GRIP1: variants seen among roughly 807,000 people sequenced by gnomAD.
The protein encoded by GRIP1 is glutamate receptor interacting protein 1, also known as glutamate receptor-interacting protein 1.
In GRIP1, 45 loss-of-function variants were observed where a neutral mutation model predicts 129.9. That is an observed-to-expected ratio of 0.35 (90% confidence interval 0.27 to 0.44). The LOEUF is 0.44. Ranked by LOEUF, GRIP1 falls within the 20% of genes least tolerant of loss-of-function variation. The pLI is 1.00. For missense variants in GRIP1, 1,196 were observed against 1,396.8 expected, an observed-to-expected ratio of 0.86 and a Z score of 2.29; for synonymous variants, 530 against 520.8, an observed-to-expected ratio of 1.02 and a Z score of -0.24.
At chr12:66,676,953 C>T (rs960664374) in intron 1 of GRIP1, among the ~76,000 whole-genome samples, 1 of 152,150 alleles carries the variant, frequency 6.6e-6, no homozygotes, top group African/African-American at 2.4e-5. Flanking sequence ...GATGGCAAGG[C>T]AAGGTACCGT....
At chr12:66,495,302 G>T (rs575029671) in intron 7 of GRIP1, among the ~76,000 whole-genome samples, 2 of 152,322 alleles carry the variant, frequency 1.3e-5, no homozygotes, top group East Asian at 3.9e-4. Context: ...AGAAAGTTAT[G>T]AGAGAAAGAG....
At chr12:66,545,343 T>C (rs942279063) in intron 2 of GRIP1, among the ~76,000 whole-genome samples, 1 of 152,198 alleles carries the variant, frequency 6.6e-6, no homozygotes, top group Admixed American at 6.5e-5. Flanking sequence ...ACAGTGATGG[T>C]TGGCAAACAC....
At chr12:66,427,656 C>A (rs2058027125) in intron 14 of GRIP1, among the ~76,000 whole-genome samples, 1 of 152,100 alleles carries the variant, frequency 6.6e-6, no homozygotes, top group African/African-American at 2.4e-5. Context: ...AAAATGCTGA[C>A]CACCATTACA....
intron 2 of GRIP1, among the ~76,000 whole-genome samples, chr12:66,571,250 C>T (rs1469902044): frequency 2.0e-5 from 3 of 152,114 alleles, no homozygotes; most frequent in East Asian, 1.9e-4. Context: ...GAATATTTAC[C>T]GATTTGTATT....
chr12:66,382,438 A>G (rs2056153419), intron 19 of GRIP1, among the ~76,000 whole-genome samples: 1 of 152,222 alleles, frequency 6.6e-6, no homozygotes. Context: ...CCACTTCCTC[A>G]CTTCACAGCC....
At chr12:66,704,531 T>C (rs2035463231) in intron 1 of GRIP1, among the ~76,000 whole-genome samples, 1 of 152,066 alleles carries the variant, frequency 6.6e-6, no homozygotes, top group Non-Finnish European at 1.5e-5. Flanking sequence ...GAAAAACTCT[T>C]TAGTATCACA....
At chr12:66,715,471 T>TGTGTGTGTGTGAGAGAGAGAGA (rs761155485) in intron 1 of GRIP1, among the ~76,000 whole-genome samples, 5 of 110,136 alleles carry the variant, frequency 4.5e-5, no homozygotes, top group East Asian at 5.1e-4. Context: ...TGTGTGTGTG[T>TGTGTGTGTGTGAGAGAGAGAGA]GAGAGAGAGA....
At chr12:66,468,022 C>T (rs1360965300) in intron 7 of GRIP1, among the ~76,000 whole-genome samples, 1 of 152,172 alleles carries the variant, frequency 6.6e-6, no homozygotes, top group Non-Finnish European at 1.5e-5. Context: ...GCTAGGTGTT[C>T]CCTGATATCT....
chr12:66,710,721 A>G (rs2035685830), intron 1 of GRIP1, among the ~76,000 whole-genome samples: 1 of 151,972 alleles, frequency 6.6e-6, no homozygotes. Flanking sequence ...TAAATAATGC[A>G]AGATCGATAA....
intron 1 of GRIP1, among the ~76,000 whole-genome samples, chr12:66,933,589 T>C (rs899324248): frequency 6.6e-6 from 1 of 152,174 alleles, no homozygotes; most frequent in East Asian, 1.9e-4. Flanking sequence ...ACCAGGCATT[T>C]TTCTAGGCTC....
intron 1 of GRIP1, among the ~76,000 whole-genome samples, chr12:66,926,029 T>C (rs2041290776): frequency 6.6e-6 from 1 of 152,216 alleles, no homozygotes; most frequent in South Asian, 2.1e-4. Context: ...AGCTGTTTAT[T>C]AGATATTTTA....
chr12:66,625,826 T>C (rs2029948973), intron 1 of GRIP1, among the ~76,000 whole-genome samples: 1 of 152,120 alleles, frequency 6.6e-6, no homozygotes, highest in African/African-American at 2.4e-5. Context: ...TATAGAGACA[T>C]TTGCAAGTGT....
At chr12:66,639,582 G>T (rs891306616) in intron 1 of GRIP1, among the ~76,000 whole-genome samples, 1 of 152,140 alleles carries the variant, frequency 6.6e-6, no homozygotes, top group African/African-American at 2.4e-5. Context: ...GTTGTGAAGA[G>T]ATTAAATAGT....
chr12:66,530,595 G>A (rs1348818350), intron 4 of GRIP1, among the ~76,000 whole-genome samples: 1 of 152,076 alleles, frequency 6.6e-6, no homozygotes, highest in Non-Finnish European at 1.5e-5. Context: ...GTATTGTCAA[G>A]CTGCAATCTC....
chr12:66,455,342 A>G (rs2138230769), intron 11 of GRIP1, 67 bp downstream of exon 11: 1 of 1,431,758 alleles, frequency 7.0e-7, no homozygotes, highest in Non-Finnish European at 9.9e-7. Context: ...CAATTTCGGT[A>G]TTTTCAAGGC....
At chr12:66,358,086 GT>G (rs2054578234) in intron 23 of GRIP1, among the ~76,000 whole-genome samples, 1 of 152,198 alleles carries the variant, frequency 6.6e-6, no homozygotes, top group Non-Finnish European at 1.5e-5. Flanking sequence ...TAGAGATAGG[GT>G]TTTGCCACAT....
At chr12:67,064,903 TCCCCCCA>T (rs2135901459) in intron 1 of GRIP1, 1 of 59,660 alleles carries the variant, frequency 1.7e-5, no homozygotes, top group African/African-American at 6.9e-5. Context: ...CCCTCCCCCC[TCCCCCCA>T]CCCCACAACA....
chr12:66,869,651 C>T (rs190161079), intron 1 of GRIP1, among the ~76,000 whole-genome samples: 47 of 152,064 alleles, frequency 3.1e-4, no homozygotes, highest in Middle Eastern at 6.8e-3. Context: ...GTGACAGATA[C>T]GTATCATTGA....
chr12:66,429,567 A>C (rs2058085486), intron 14 of GRIP1, among the ~76,000 whole-genome samples: 1 of 152,106 alleles, frequency 6.6e-6, no homozygotes. Flanking sequence ...ATGGTGGCTC[A>C]TGCCTGTAGT....
Sources: gnomAD v4.1 joint callset for allele counts (sites outside exome capture counted in the v4.1 genomes callset) on GRCh38, gnomAD v4.1.1 for gene constraint, MANE v1.5 for transcripts, NCBI Gene and HGNC (gene_info 2026-07-23, HGNC 2026-07-21) for gene names.